Variants in STAP1 observed in about 807,000 individuals in gnomAD.
STAP1 encodes the protein signal-transducing adaptor protein 1.
Under a neutral mutation model 37.8 loss-of-function variants are expected in STAP1, and 30 were observed. That is an observed-to-expected ratio of 0.79 (90% CI 0.59 to 1.08). The LOEUF (loss-of-function observed/expected upper bound fraction) is 1.08, where lower values mean the gene tolerates loss of function less well. Ranked by LOEUF, STAP1 falls within the 50% of genes least tolerant of loss-of-function variation. The pLI, the probability that STAP1 is intolerant of heterozygous loss-of-function variation, is 0.00. For synonymous variants in STAP1, 130 were observed against 116.0 expected (o/e 1.12, Z -0.78); for missense variants, 357 against 349.4 (o/e 1.02, Z -0.17).
At position 67,583,630 on chromosome 4, in the gene STAP1, C is replaced by G. The variant is rs201684919; in HGVS notation, c.587C>G (p.Ser196Cys). The G allele has an allele frequency of 3.9e-5, 63 of 1,613,732 alleles. No homozygotes were observed. The African/African-American group carries it at 7.2e-4, about 18-fold the overall frequency. ...ACTGAGATGCTCCAGAAGAACCCTTCTTTGGGAAATATGATCCTGAGGCCT... is the reference window on the plus strand; with the variant it reads ...ACTGAGATGCTCCAGAAGAACCCTTGTTTGGGAAATATGATCCTGAGGCCT... ...EATEMLQKNP[S>C]LGNMILRPGS... is the part of the protein sequence containing the mutation. Residue 196 changes from serine to cysteine, a missense_variant, in exon 6 of 9, where the codon TCT becomes TGT. Coordinates refer to ENST00000265404, the MANE Select transcript of STAP1 (RefSeq NM_012108.4).
At chr4:67,566,178 C>T (rs183461405) in intron 1 of STAP1, among the ~76,000 whole-genome samples, 13 of 152,130 alleles carry the variant, frequency 8.5e-5, no homozygotes, top group Non-Finnish European at 1.5e-4. Flanking sequence ...GAACTCCTGA[C>T]CTCAGGTGAT....
chr4:67,590,829 T>C, intron 6 of STAP1, 55 bp from the exon 7 acceptor site: 1 of 1,266,620 alleles, frequency 7.9e-7, no homozygotes, highest in Non-Finnish European at 1.1e-6. Context: ...TTACTTTAGT[T>C]TGCATTTACC....
intron 8 of STAP1, among the ~76,000 whole-genome samples, chr4:67,599,399 C>G (rs1456787298): frequency 1.3e-5 from 2 of 151,602 alleles, no homozygotes; most frequent in Admixed American, 1.3e-4. Context: ...TATTATTGGC[C>G]TATTCAGGTT....
intron 2 of STAP1, among the ~76,000 whole-genome samples, chr4:67,572,135 A>G (rs11731488): frequency 0.19 from 29,289 of 152,150 alleles, 3,206 homozygotes; most frequent in Middle Eastern, 0.28. Context: ...TAGCCCTGCC[A>G]CTGTTAACTG....
chr4:67,598,930 G>C (rs907756992), intron 8 of STAP1, among the ~76,000 whole-genome samples: 1 of 152,140 alleles, frequency 6.6e-6, no homozygotes, highest in Non-Finnish European at 1.5e-5. Context: ...ATGAAGCGAT[G>C]CTGAATTTTA....
chr4:67,589,032 T>TGGAG, intron 6 of STAP1, among the ~76,000 whole-genome samples: 1 of 152,254 alleles, frequency 6.6e-6, no homozygotes, highest in African/African-American at 2.4e-5. Flanking sequence ...ATGAAGAAAA[T>TGGAG]GGAGGTTCAG....
chr4:67,579,041 G>T (rs370521047), intron 4 of STAP1, among the ~76,000 whole-genome samples: 12 of 152,050 alleles, frequency 7.9e-5, no homozygotes, highest in African/African-American at 2.7e-4. Context: ...TCACCATGTT[G>T]GCCATGCTGG....
At chr4:67,592,490 C>T (rs1728140272) in intron 7 of STAP1, among the ~76,000 whole-genome samples, 1 of 152,164 alleles carries the variant, frequency 6.6e-6, no homozygotes, top group South Asian at 2.1e-4. Context: ...AAACCAACTA[C>T]AGCTAACTTA....
At chr4:67,588,353 CG>C (rs1728037647) in intron 6 of STAP1, among the ~76,000 whole-genome samples, 1 of 150,924 alleles carries the variant, frequency 6.6e-6, no homozygotes, top group Non-Finnish European at 1.5e-5. Context: ...ACGACGACGA[CG>C]ATGATGATGA....
chr4:67,562,157 A>T (rs990318563), intron 1 of STAP1, among the ~76,000 whole-genome samples: 2 of 150,384 alleles, frequency 1.3e-5, no homozygotes, highest in African/African-American at 4.9e-5. Flanking sequence ...GCAACGTCTC[A>T]TAATTTCTTC....
At chr4:67,592,388 C>T (rs1183962397) in intron 7 of STAP1, among the ~76,000 whole-genome samples, 2 of 152,140 alleles carry the variant, frequency 1.3e-5, no homozygotes, top group African/African-American at 2.4e-5. Flanking sequence ...CACATTTTAT[C>T]TACTCCTAGA....
chr4:67,597,774 T>A (rs1236663192), intron 8 of STAP1, among the ~76,000 whole-genome samples: 2 of 152,154 alleles, frequency 1.3e-5, no homozygotes, highest in Non-Finnish European at 2.9e-5. Flanking sequence ...TTTGGCCAAT[T>A]TCTCCCATTT....
At chr4:67,573,510 C>T (rs556869116) in intron 2 of STAP1, among the ~76,000 whole-genome samples, 9 of 152,134 alleles carry the variant, frequency 5.9e-5, no homozygotes, top group Non-Finnish European at 1.0e-4. Flanking sequence ...TTTGTTGCAG[C>T]AAAACTCACT....
intron 7 of STAP1, 135 bp downstream of exon 7, chr4:67,591,088 C>T: frequency 4.3e-6 from 2 of 462,498 alleles, no homozygotes; most frequent in Non-Finnish European, 7.5e-6. Flanking sequence ...GATTCAGGAA[C>T]AGGTGGTGAG....
intron 8 of STAP1, among the ~76,000 whole-genome samples, chr4:67,596,902 C>T (rs1199553730): frequency 6.6e-6 from 1 of 152,210 alleles, no homozygotes; most frequent in African/African-American, 2.4e-5. Context: ...GGAAAATTTG[C>T]AGCCTGACCA....
Position 67,583,785 on chromosome 4 carries a change from G to A in STAP1, c.659+83G>A, listed in dbSNP as rs1455855706. On this transcript the variant is annotated intron_variant, in intron 6 of 8. Transcript: ENST00000265404. The stretch of plus-strand genomic sequence containing the variant: ...AAGTCCAGATCAGCACCTGCTATGT[G>A]TTTCGTTGGGGCTGAAAATATGAAC... 4.7e-6 allele frequency: 7 copies of A among 1,481,464 alleles called. No homozygotes were observed. In the African/African-American group the frequency reaches 7.1e-5, roughly 15 times the overall value. The allele number at this position is 1,481,464 out of a possible 1,614,324, so 91.8% of individuals were successfully genotyped here.
At chr4:67,576,206 C>T (rs1001196763) in intron 3 of STAP1, among the ~76,000 whole-genome samples, 1 of 152,162 alleles carries the variant, frequency 6.6e-6, no homozygotes, top group Non-Finnish European at 1.5e-5. Flanking sequence ...ACAGTGGCAA[C>T]GTTTTTCTCC....
chr4:67,566,773 C>T (rs540931707), intron 1 of STAP1, among the ~76,000 whole-genome samples: 9 of 152,180 alleles, frequency 5.9e-5, no homozygotes, highest in African/African-American at 2.2e-4. Flanking sequence ...TGTTAGAGAC[C>T]AGCCTGCCCA....
At chr4:67,580,525 G>A (rs1727828687) in intron 4 of STAP1, among the ~76,000 whole-genome samples, 2 of 152,156 alleles carry the variant, frequency 1.3e-5, no homozygotes, top group Non-Finnish European at 2.9e-5. Context: ...TGGAAAGCAT[G>A]CACTCTTCTC....
Sources: gnomAD v4.1 joint callset for allele counts (sites outside exome capture counted in the v4.1 genomes callset) on GRCh38, gnomAD v4.1.1 for gene constraint, MANE v1.5 for transcripts, NCBI Gene and HGNC (gene_info 2026-07-23, HGNC 2026-07-21) for gene names.